The following RNF111 variants were observed in gnomAD, a reference collection of about 807,000 sequenced individuals.
RNF111 encodes the protein E3 ubiquitin-protein ligase Arkadia.
RNF111 carries 17 observed loss-of-function variants against 95.1 expected under a neutral mutation model. The ratio of observed to expected loss-of-function variants is 0.18; its 90% CI spans 0.12 to 0.27. The LOEUF is 0.27. Ranked by LOEUF, RNF111 falls within the 10% of genes least tolerant of loss-of-function variation. RNF111 has a pLI of 1.00. For missense variants in RNF111, 1,189 were observed against 1,210.4 expected (o/e 0.98, Z 0.26); for synonymous variants, 440 against 414.8 (o/e 1.06, Z -0.74).
At position 58,995,576 on chromosome 15, in the gene RNF111, G is replaced by A. The variant is rs1413077764; in HGVS notation, c.-20+7508G>A. On this transcript the variant is annotated intron_variant, in intron 1 of 13. Coordinates refer to ENST00000348370, the MANE Select transcript of RNF111 (RefSeq NM_017610.8). ...CGGGTTCAAGCAATTCTCTGCCTCA[G>A]CCTCCCAAATAGCTGGGATTATAGG... Among the ~76,000 whole-genome samples, 32 of 151,682 alleles carry A rather than the reference G, an allele frequency of 2.1e-4. 1 individual carries two copies. The highest frequency in any genetic ancestry group is 1.9e-4 in the East Asian group (1 of 5,164).
chr15:59,032,150 GC>G (rs2040942667), intron 2 of RNF111, among the ~76,000 whole-genome samples: 1 of 152,042 alleles, frequency 6.6e-6, no homozygotes, highest in African/African-American at 2.4e-5. Flanking sequence ...TGTTGAACAG[GC>G]TAGTCTTGAG....
At position 59,074,949 on chromosome 15, in the gene RNF111, G is replaced by C. The variant is rs2043104467; in HGVS notation, c.1687-1005G>C. ...CAATGTTGTTGTGTCTCAGGGAATA[G>C]GGAGGCCCAAAGAGAGGAGAGCAGG... is the stretch of plus-strand genomic sequence containing the variant. On this transcript the variant is annotated intron_variant, in intron 6 of 13. Transcript: ENST00000348370. Among the ~76,000 whole-genome samples the C allele has an allele frequency of 2.6e-5, 4 of 152,202 alleles. No homozygotes were observed. The South Asian group carries it at 8.3e-4, about 31-fold the overall frequency.
At chr15:59,070,861 T>C (rs2042891707) in intron 6 of RNF111, among the ~76,000 whole-genome samples, 1 of 152,222 alleles carries the variant, frequency 6.6e-6, no homozygotes, top group South Asian at 2.1e-4. Context: ...TACCCTAGGT[T>C]TTTTCATCTC....
intron 6 of RNF111, among the ~76,000 whole-genome samples, chr15:59,069,838 T>A (rs756829611): frequency 4.7e-4 from 71 of 151,942 alleles, no homozygotes; most frequent in Non-Finnish European, 9.3e-4. Context: ...AAACCTGAGA[T>A]TTGTGATTTT....
At chr15:59,063,278 T>TA (rs1261454730) in intron 5 of RNF111, among the ~76,000 whole-genome samples, 1 of 152,230 alleles carries the variant, frequency 6.6e-6, no homozygotes, top group Non-Finnish European at 1.5e-5. Flanking sequence ...TAAGTTATGT[T>TA]AAAGGCCAGG....
At chr15:59,065,477 G>C (rs1364410458) in intron 5 of RNF111, among the ~76,000 whole-genome samples, 1 of 152,042 alleles carries the variant, frequency 6.6e-6, no homozygotes, top group African/African-American at 2.4e-5. Context: ...ACCATGCAAG[G>C]CAATTTTATT....
chr15:59,093,033 C>T (rs545805445), intron 13 of RNF111, among the ~76,000 whole-genome samples: 1 of 152,080 alleles, frequency 6.6e-6, no homozygotes, highest in African/African-American at 2.4e-5. Flanking sequence ...AACTGGAAAC[C>T]AAATAAAGAT....
At chr15:59,031,770 G>A in intron 2 of RNF111, 68 bp downstream of exon 2, 2 of 1,386,688 alleles carry the variant, frequency 1.4e-6, no homozygotes, top group Middle Eastern at 1.9e-4. Context: ...TTTTTTGTTT[G>A]TGTCTTACTG....
At chr15:59,032,555 G>T (rs1196693603) in intron 2 of RNF111, among the ~76,000 whole-genome samples, 4 of 152,084 alleles carry the variant, frequency 2.6e-5, no homozygotes, top group Non-Finnish European at 4.4e-5. Context: ...TCAAGTAGCT[G>T]GGACTACAGG....
At chr15:59,040,480 G>GA (rs1413616801) in intron 2 of RNF111, among the ~76,000 whole-genome samples, 5 of 151,804 alleles carry the variant, frequency 3.3e-5, no homozygotes, top group Admixed American at 2.0e-4. Context: ...AAAGATTTTA[G>GA]AAAAAAATAA....
rs751495450 is a variant in RNF111, at chr15:59,093,363, C to G, written c.2843+723C>G. ...TTTTTTTTTTTTTTTTTTTTTTTTC[C>G]TTTTCTGGGAGATGGTCTCCTTCTG... On this transcript the variant is annotated intron_variant, in intron 13 of 13. Transcript: ENST00000348370. 84 of 191,596 alleles carry G rather than the reference C, an allele frequency of 4.4e-4. No homozygotes were observed. In the Middle Eastern group the frequency reaches 5.8e-3, roughly 13 times the overall value. The allele number at this position is 191,596 out of a possible 1,614,324, so 11.9% of individuals were successfully genotyped here.
chr15:59,011,811 C>G (rs556404739), intron 1 of RNF111, among the ~76,000 whole-genome samples: 2 of 151,972 alleles, frequency 1.3e-5, no homozygotes, highest in African/African-American at 4.8e-5. Flanking sequence ...GGTGTTAGGA[C>G]TTCAACGTAT....
chr15:58,993,708 G>C (rs1277289254), intron 1 of RNF111, among the ~76,000 whole-genome samples: 1 of 152,170 alleles, frequency 6.6e-6, no homozygotes, highest in African/African-American at 2.4e-5. Flanking sequence ...CAAAGGGCAG[G>C]CTCTTAACAC....
intron 3 of RNF111, among the ~76,000 whole-genome samples, chr15:59,054,891 C>A (rs748836548): frequency 5.3e-5 from 8 of 152,130 alleles, no homozygotes. Context: ...TTTTATTGGC[C>A]TCACCTTTCT....
intron 6 of RNF111, among the ~76,000 whole-genome samples, chr15:59,071,590 G>A (rs1168070164): frequency 1.3e-5 from 2 of 151,566 alleles, no homozygotes; most frequent in African/African-American, 2.4e-5. Flanking sequence ...CTTCTTGTGG[G>A]TGGCTGAGGC....
intron 6 of RNF111, among the ~76,000 whole-genome samples, chr15:59,074,802 TC>T (rs2043098676): frequency 6.6e-6 from 1 of 152,218 alleles, no homozygotes; most frequent in Non-Finnish European, 1.5e-5. Flanking sequence ...GCTTTTGGCC[TC>T]TCTGGGCTTT....
chr15:59,047,632 G>T (rs1240922335), intron 2 of RNF111, among the ~76,000 whole-genome samples: 1 of 152,000 alleles, frequency 6.6e-6, no homozygotes, highest in African/African-American at 2.4e-5. Context: ...CTGGAGTGCA[G>T]TGGTGCCATC....
intron 2 of RNF111, among the ~76,000 whole-genome samples, chr15:59,047,969 G>C (rs1314258291): frequency 6.6e-6 from 1 of 152,228 alleles, no homozygotes; most frequent in African/African-American, 2.4e-5. Context: ...ATAGGTACTG[G>C]TGAGGATGTG....
intron 1 of RNF111, among the ~76,000 whole-genome samples, chr15:59,015,818 A>G (rs571205107): frequency 6.6e-6 from 1 of 152,160 alleles, no homozygotes; most frequent in Admixed American, 6.5e-5. Flanking sequence ...TTGTTCCTAC[A>G]GAGTGCTTTT....
Sources: gnomAD v4.1 joint callset for allele counts (sites outside exome capture counted in the v4.1 genomes callset) on GRCh38, gnomAD v4.1.1 for gene constraint, MANE v1.5 for transcripts, NCBI Gene and HGNC (gene_info 2026-07-23, HGNC 2026-07-21) for gene names.